Variants in RANBP17 observed in about 807,000 individuals in gnomAD.
RANBP17 encodes the protein ran-binding protein 17.
In RANBP17, 158 loss-of-function variants were observed where a neutral mutation model predicts 141.2. The observed-to-expected ratio is 1.12, with a 90% CI of 0.98 to 1.28. RANBP17 has a LOEUF of 1.28. RANBP17 is among the 50% of genes most tolerant of loss of function. The pLI is 0.00. For synonymous variants in RANBP17, 430 were observed against 450.0 expected, an observed-to-expected ratio of 0.96 and a Z score of 0.56; for missense variants, 1,438 against 1,290.7, an observed-to-expected ratio of 1.11 and a Z score of -1.75.
chr5:171,239,730 C>A lies in RANBP17; in HGVS notation c.2423-1198C>A, dbSNP rs1764746234. Among the ~76,000 whole-genome samples, 4 of 152,182 alleles carry A rather than the reference C, an allele frequency of 2.6e-5. No individual in the cohort carries two copies. In the South Asian group the frequency reaches 8.3e-4, roughly 31 times the overall value. ...AGAAGTCAGTAGAAGGCTGTTGCGT[C>A]TGCATAGCTATTGCTTCTGTAAGTG... On this transcript the variant is annotated intron_variant, in intron 22 of 27. Transcript: ENST00000523189.
chr5:170,877,997 A>G (rs1768329680), intron 1 of RANBP17, 100 bp from the exon 2 acceptor site: 2 of 774,326 alleles, frequency 2.6e-6, no homozygotes, highest in East Asian at 2.9e-5. Context: ...TATTGAATTA[A>G]TGAATACACA....
intron 14 of RANBP17, among the ~76,000 whole-genome samples, chr5:170,982,619 A>G (rs1354048934): frequency 6.6e-6 from 1 of 152,210 alleles, no homozygotes; most frequent in East Asian, 1.9e-4. Flanking sequence ...GAGAGAAAAT[A>G]GAGAATCCAG....
At chr5:170,964,078 A>G (rs956330572) in intron 13 of RANBP17, among the ~76,000 whole-genome samples, 2 of 152,168 alleles carry the variant, frequency 1.3e-5, no homozygotes, top group Non-Finnish European at 2.9e-5. Context: ...ATTTTCTGTC[A>G]TCCTGAATTA....
At chr5:171,235,416 T>C (rs1285212587) in intron 22 of RANBP17, among the ~76,000 whole-genome samples, 1 of 151,070 alleles carries the variant, frequency 6.6e-6, no homozygotes, top group Non-Finnish European at 1.5e-5. Flanking sequence ...CAAGATTGCA[T>C]ATAGAGAAGG....
intron 12 of RANBP17, among the ~76,000 whole-genome samples, chr5:170,944,029 G>T (rs1337148053): frequency 1.3e-5 from 2 of 151,980 alleles, no homozygotes; most frequent in Non-Finnish European, 1.5e-5. Context: ...CTTACCTCTA[G>T]TAACCACCAT....
At chr5:171,049,008 G>T (rs1782778873) in intron 14 of RANBP17, among the ~76,000 whole-genome samples, 1 of 152,156 alleles carries the variant, frequency 6.6e-6, no homozygotes. Context: ...TAATGGGATT[G>T]CTGGGTGGAA....
chr5:170,893,975 A>G (rs1769882669), intron 4 of RANBP17, among the ~76,000 whole-genome samples: 1 of 152,134 alleles, frequency 6.6e-6, no homozygotes, highest in African/African-American at 2.4e-5. Flanking sequence ...ACTTCATCAT[A>G]TAGTGCAGTG....
In RANBP17 at chr5:171,170,188, C is replaced by A; in HGVS notation, c.1769C>A (p.Thr590Lys). The A allele has an allele frequency of 6.4e-7, 1 of 1,561,780 alleles. No individual in the cohort carries two copies. The highest frequency in any genetic ancestry group is 8.7e-7 in the Non-Finnish European group (1 of 1,149,994). Residue 590 changes from threonine (T) to lysine (K), a missense_variant, in exon 15 of 28, where the codon ACG becomes AAG. By Grantham distance (78) the Thr-to-Lys change is moderately conservative. Transcript: ENST00000523189. ...ACAGATGACAACCACGTTCTAGAGA[C>A]GTTCATGACAAAAATGTGAGTTCTT... ...GITDDNHVLE[T>K]FMTKIVTNLK...
intron 24 of RANBP17, among the ~76,000 whole-genome samples, chr5:171,246,271 C>A (rs1765213663): frequency 6.6e-6 from 1 of 152,222 alleles, no homozygotes; most frequent in Admixed American, 6.5e-5. Context: ...AGGTCCCACA[C>A]TCTGGTACTC....
At chr5:171,169,225 A>G (rs928109525) in intron 14 of RANBP17, among the ~76,000 whole-genome samples, 4 of 152,186 alleles carry the variant, frequency 2.6e-5, no homozygotes, top group African/African-American at 9.7e-5. Flanking sequence ...GTTGCTGTAC[A>G]TAAGAAATAG....
At chr5:170,918,967 C>T in intron 10 of RANBP17, 108 bp downstream of exon 10, 1 of 622,630 alleles carries the variant, frequency 1.6e-6, no homozygotes, top group Non-Finnish European at 2.4e-6. Context: ...GATTACTTTG[C>T]TGGAAATGTT....
chr5:170,886,573 A>G (rs1468045812), intron 3 of RANBP17, among the ~76,000 whole-genome samples: 1 of 151,872 alleles, frequency 6.6e-6, no homozygotes, highest in Non-Finnish European at 1.5e-5. Context: ...ATAGTAAATG[A>G]TAAAATAGAG....
intron 20 of RANBP17, among the ~76,000 whole-genome samples, chr5:171,213,029 CAA>C (rs916680805): frequency 6.6e-6 from 1 of 152,156 alleles, no homozygotes; most frequent in African/African-American, 2.4e-5. Flanking sequence ...AATAGTTACT[CAA>C]AGCTTTTCGT....
chr5:171,298,815 G>A lies in RANBP17; in HGVS notation c.3224G>A (p.Ser1075Asn), dbSNP rs1768984044. 1 of 1,614,128 alleles carries A rather than the reference G, an allele frequency of 6.2e-7. No individual in the cohort carries two copies. Among genetic ancestry groups the A allele is most frequent in the Non-Finnish European group, 8.5e-7 (1 of 1,180,042 alleles). The change falls in exon 28 of 28, where the codon AGT becomes AAT. Residue 1075 changes from serine to asparagine, a missense_variant. Coordinates refer to ENST00000523189, the MANE Select transcript of RANBP17 (RefSeq NM_022897.5). ...AGAGATGTGGCAGAGGCGTTGCGCA[G>A]TGATGGCAACACTGAACCATGCAGT... is the stretch of plus-strand genomic sequence containing the variant. ...FRRDVAEALR[S>N]DGNTEPCSLD...
At chr5:171,294,421 A>G (rs1768693317) in intron 26 of RANBP17, among the ~76,000 whole-genome samples, 3 of 152,110 alleles carry the variant, frequency 2.0e-5, no homozygotes, top group Admixed American at 2.0e-4. Context: ...GGGAGCACAC[A>G]TCTCCAGCTT....
intron 24 of RANBP17, among the ~76,000 whole-genome samples, chr5:171,264,056 T>C (rs1057131779): frequency 6.6e-6 from 1 of 152,206 alleles, no homozygotes; most frequent in Non-Finnish European, 1.5e-5. Context: ...AGTGAGAACC[T>C]ATCTCAACAA....
intron 12 of RANBP17, among the ~76,000 whole-genome samples, chr5:170,948,040 G>A (rs1308160554): frequency 6.6e-6 from 1 of 152,172 alleles, no homozygotes; most frequent in East Asian, 1.9e-4. Flanking sequence ...AGACTACCAT[G>A]CTAAGTATTG....
At chr5:171,037,618 G>A (rs1182165455) in intron 14 of RANBP17, among the ~76,000 whole-genome samples, 1 of 152,018 alleles carries the variant, frequency 6.6e-6, no homozygotes, top group East Asian at 1.9e-4. Context: ...TTTTGTATAT[G>A]GTATATACAG....
intron 25 of RANBP17, among the ~76,000 whole-genome samples, chr5:171,290,931 A>G (rs1012033074): frequency 4.6e-5 from 7 of 152,248 alleles, no homozygotes; most frequent in African/African-American, 1.7e-4. Context: ...GTTATTCCTC[A>G]CAGCAGCCCT....
Sources: allele counts gnomAD v4.1 joint callset (sites outside exome capture counted in the v4.1 genomes callset), GRCh38; gene constraint gnomAD v4.1.1; transcripts MANE v1.5; gene names NCBI Gene and HGNC (gene_info 2026-07-23, HGNC 2026-07-21).